Variants in VARS2 observed in about 807,000 individuals in gnomAD.
VARS2 encodes the protein valine--tRNA ligase, mitochondrial.
A neutral mutation model predicts 154.1 loss-of-function variants in VARS2; 105 were observed. The ratio of observed to expected loss-of-function variants is 0.68; its 90% CI spans 0.58 to 0.80. VARS2 has a LOEUF of 0.80. VARS2 is among the 30% of genes least tolerant of loss of function. The probability of loss-of-function intolerance (pLI) is 0.00; values close to 1 mark genes in which losing one functional copy is unlikely to be tolerated. For missense variants in VARS2, 1,157 were observed against 1,361.4 expected (o/e 0.85, Z 2.36); for synonymous variants, 483 against 539.5 (o/e 0.90, Z 1.45).
At chr6:30,924,893 C>G (rs903231624) in intron 26 of VARS2, among the ~76,000 whole-genome samples, 1 of 152,158 alleles carries the variant, frequency 6.6e-6, no homozygotes, top group African/African-American at 2.4e-5. Flanking sequence ...AGGGTGTCCC[C>G]AAAATCTCAG....
At position 30,914,858 on chromosome 6, in the gene VARS2, T is replaced by C. The variant is rs912935909; in HGVS notation, c.22T>C (p.Ser8Pro). Reference protein sequence around the residue: MPHLPLASFRPPFWGLRH... With the variant: MPHLPLAPFRPPFWGLRH... ...CCTGATGCCTCATTTGCCTCTCGCC[T>C]CTTTTCGACCACCATTTTGGGGGCT... The change falls in exon 2 of 30, where the codon TCT becomes CCT. Residue 8 changes from serine to proline, a missense_variant. Ser to Pro is a moderately conservative substitution (Grantham distance 74). Coordinates refer to ENST00000676266, the MANE Select transcript of VARS2 (RefSeq NM_020442.6). The C allele has an allele frequency of 4.3e-6, 7 of 1,612,920 alleles. No individual in the cohort carries two copies. The highest frequency in any genetic ancestry group is 5.1e-6 in the Non-Finnish European group (6 of 1,180,036).
chr6:30,914,439 G>T (rs1212345317), intron 1 of VARS2, 95 bp downstream of exon 1: 3 of 1,279,284 alleles, frequency 2.3e-6, no homozygotes, highest in South Asian at 2.9e-5. Context: ...GCCGCGCCGG[G>T]CTGTGGGCAC....
rs73430135 is a variant in VARS2, at chr6:30,916,185, G to A, written c.607G>A (p.Gly203Arg). Residue 203 changes from glycine (G) to arginine (R), a missense_variant, in exon 7 of 30, where the codon GGA becomes AGA. Gly to Arg is a moderately radical substitution (Grantham distance 125, BLOSUM62 -2). Transcript: ENST00000676266. The surrounding 1 kb of genome is among the most constrained non-coding windows in gnomAD (Gnocchi z 4.0). ...GGAGAAACAACTGTGGAAGGAACGG[G>A]GAGTGAGGAGACATGAGCTGAGCCG... is the stretch of plus-strand genomic sequence containing the variant. The part of the protein sequence containing the change: ...VVEKQLWKER[G>R]VRRHELSREA... The A allele has an allele frequency of 5.9e-4, 946 of 1,614,018 alleles. 4 individuals carry two copies. In the African/African-American group the frequency reaches 0.01, roughly 18 times the overall value.
Position 30,919,822 on chromosome 6 carries a change from A to ATG in VARS2, c.1140_1141dup (p.Ala381ValfsTer12), listed in dbSNP as rs1794394916. On this transcript the variant is annotated frameshift_variant, in exon 12 of 30. Transcript: ENST00000676266. LOFTEE classifies it high-confidence loss of function. This position sits in a 1 kb window ranked among gnomAD's most constrained non-coding sequence, Gnocchi z 4.5. ...CAGCCTCTTCCCCTCATCACAGACT[A>ATG]TGCTGTTCAGCCACATGTGGGCACG... 1.9e-6 allele frequency: 3 copies of ATG among 1,592,196 alleles called. No homozygotes were observed. Among genetic ancestry groups the ATG allele is most frequent in the Non-Finnish European group, 2.6e-6 (3 of 1,164,934 alleles).
In VARS2 at chr6:30,916,908, AGCTCTGGGT is replaced by A; in HGVS notation, c.705_713del (p.Leu236_Ala238del). On this transcript the variant is annotated inframe_deletion, in exon 8 of 30. Coordinates refer to ENST00000676266, the MANE Select transcript of VARS2 (RefSeq NM_020442.6). This position sits in a 1 kb window ranked among gnomAD's most constrained non-coding sequence, Gnocchi z 4.0. ...GTGGAGAGATCTGTGAGCAGCTGCG[AGCTCTGGGT>A]GCCTCCCTGGACTGGGATCGAGAGT... is the stretch of plus-strand genomic sequence containing the variant. 6.2e-7 allele frequency: 1 copy of A among 1,614,188 alleles called. No individual in the cohort carries two copies.
chr6:30,917,834 C>A lies in VARS2; in HGVS notation c.985+28C>A. ...GAGCATAGTACTCTGCAGGGTCACCCGTTTACCTCCATTTTTCCTGTTTTC... is the reference window on the plus strand; with the variant it reads ...GAGCATAGTACTCTGCAGGGTCACCAGTTTACCTCCATTTTTCCTGTTTTC... On this transcript the variant is annotated intron_variant, in intron 10 of 29. Coordinates refer to ENST00000676266, the MANE Select transcript of VARS2 (RefSeq NM_020442.6). The surrounding 1 kb of genome is among the most constrained non-coding windows in gnomAD (Gnocchi z 4.4). The A allele has an allele frequency of 6.5e-7, 1 of 1,544,848 alleles. No individual in the cohort carries two copies.
Position 30,923,221 on chromosome 6 carries a change from C to G in VARS2, c.2303C>G (p.Pro768Arg). The G allele has an allele frequency of 6.2e-7, 1 of 1,613,132 alleles. No homozygotes were observed. The highest frequency in any genetic ancestry group is 1.1e-5 in the South Asian group (1 of 91,084). Residue 768 changes from proline (P) to arginine (R), a missense_variant, in exon 24 of 30, where the codon CCT (proline) becomes CGT (arginine). Physicochemically the swap from Pro to Arg is moderately radical, Grantham distance 103 (BLOSUM62 -2). Coordinates refer to ENST00000676266, the MANE Select transcript of VARS2 (RefSeq NM_020442.6). Reference sequence around the variant, plus strand: ...TTAGGGGAGAAATTTGTGCCACAGCCTGCTGAGGAGGTAAGAGAAAACAGA... The same window carrying G: ...TTAGGGGAGAAATTTGTGCCACAGCGTGCTGAGGAGGTAAGAGAAAACAGA... ...NALGEKFVPQ[P>R]AEELSPSSPM...
In VARS2 at chr6:30,923,460, T is replaced by G; in HGVS notation, c.2421T>G (p.His807Gln). The stretch of plus-strand genomic sequence containing the variant: ...CCCGAGAGCTCTCGCTCGTCACTCA[T>G]GCCCTGCACCACTTCTGGCTTCACA... ...FLTRELSLVT[H>Q]ALHHFWLHNL... The change falls in exon 25 of 30, where the codon CAT becomes CAG. Residue 807 changes from histidine (H) to glutamine (Q), a missense_variant. By Grantham distance (24) the His-to-Gln change is conservative. Coordinates refer to ENST00000676266, the MANE Select transcript of VARS2 (RefSeq NM_020442.6). 1.2e-6 allele frequency: 2 copies of G among 1,612,266 alleles called. No individual in the cohort carries two copies. The highest frequency in any genetic ancestry group is 1.7e-6 in the Non-Finnish European group (2 of 1,179,994).
At chr6:30,923,579 G>C in intron 25 of VARS2, 74 bp downstream of exon 25, 1 of 1,553,024 alleles carries the variant, frequency 6.4e-7, no homozygotes, top group Non-Finnish European at 8.7e-7. Flanking sequence ...AAGGCAGAGA[G>C]CTCTGGAGTT....
chr6:30,923,365 T>A lies in VARS2; in HGVS notation c.2326T>A (p.Ser776Thr). The A allele has an allele frequency of 6.2e-7, 1 of 1,610,678 alleles. No individual in the cohort carries two copies. The highest frequency in any genetic ancestry group is 1.7e-5 in the Admixed American group (1 of 59,984). ...PQPAEELSPS[S>T]PMDAWILSRL... ...CCTCTGCCTGCAGCTGTCTCCCTCC[T>A]CCCCGATGGATGCCTGGATCCTGAG... Residue 776 changes from serine to threonine, a missense_variant, in exon 25 of 30, where the codon TCC becomes ACC. Transcript: ENST00000676266.
At position 30,921,610 on chromosome 6, in the gene VARS2, G is replaced by A; in HGVS notation, c.1654G>A (p.Val552Ile). ...HAQGEEDCWVVGRSEAEAREV... is the reference protein window; with the variant it reads ...HAQGEEDCWVIGRSEAEAREV... ...GCAGGGAGAAGAGGACTGTTGGGTG[G>A]TTGGGCGGTCAGAGGCTGAGGCCAG... Residue 552 changes from valine to isoleucine, a missense_variant, in exon 18 of 30, where the codon GTT becomes ATT. Val to Ile is a conservative substitution (Grantham distance 29). Coordinates refer to ENST00000676266, the MANE Select transcript of VARS2 (RefSeq NM_020442.6). This position sits in a 1 kb window ranked among gnomAD's most constrained non-coding sequence, Gnocchi z 4.6. 2 of 1,608,076 alleles carry A rather than the reference G, an allele frequency of 1.2e-6. No individual in the cohort carries two copies. The highest frequency in any genetic ancestry group is 1.7e-6 in the Non-Finnish European group (2 of 1,178,646).
chr6:30,924,980 T>G (rs1794747819), intron 26 of VARS2, among the ~76,000 whole-genome samples: 1 of 152,228 alleles, frequency 6.6e-6, no homozygotes, highest in Non-Finnish European at 1.5e-5. Context: ...CTATTTAAAT[T>G]TATACTTATT....
In VARS2 at chr6:30,914,788, G is replaced by GCT. The variant is rs745344704; in HGVS notation, c.-27-13_-27-12dup. The GCT allele has an allele frequency of 4.4e-6, 7 of 1,601,592 alleles. No individual in the cohort carries two copies. The South Asian group carries it at 7.7e-5, about 18-fold the overall frequency. On this transcript the variant is annotated intron_variant, in intron 1 of 29. Coordinates refer to ENST00000676266, the MANE Select transcript of VARS2 (RefSeq NM_020442.6). ...CTTCTCCACCCCCATATCCTAATGT[G>GCT]CTCTCTCTCTATCCAGAACAGATCT...
In VARS2 at chr6:30,920,504, A is replaced by G. The variant is rs1192611666; in HGVS notation, c.1397+68A>G. On this transcript the variant is annotated intron_variant, in intron 14 of 29. Coordinates refer to ENST00000676266, the MANE Select transcript of VARS2 (RefSeq NM_020442.6). This position sits in a 1 kb window ranked among gnomAD's most constrained non-coding sequence, Gnocchi z 4.6. ...GGAATGTATGGAGCTTAAGGGTGAC[A>G]ATAGGATGGGCTCTGCACCCCTCCG... 2 of 1,479,072 alleles carry G rather than the reference A, an allele frequency of 1.4e-6. No individual in the cohort carries two copies. Among genetic ancestry groups the G allele is most frequent in the Non-Finnish European group, 1.8e-6 (2 of 1,096,016 alleles). 91.6% of individuals were successfully genotyped at this position (1,479,072 alleles called of 1,614,324 possible). A position where few individuals can be genotyped will look rare whatever the true frequency, so the allele number is the denominator to read the frequency against.
Position 30,925,401 on chromosome 6 carries a change from T to A in VARS2, c.2785+16T>A. On this transcript the variant is annotated intron_variant, in intron 27 of 29. Coordinates refer to ENST00000676266, the MANE Select transcript of VARS2 (RefSeq NM_020442.6). ...CGGCCCCGAGGTGAGGCAAGGCGGGTCCTGGGCTCGGATCCCTGCAGGAAA... is the reference window on the plus strand; with the variant it reads ...CGGCCCCGAGGTGAGGCAAGGCGGGACCTGGGCTCGGATCCCTGCAGGAAA... 6.3e-7 allele frequency: 1 copy of A among 1,599,368 alleles called. No homozygotes were observed. The highest frequency in any genetic ancestry group is 1.3e-5 in the African/African-American group (1 of 74,734).
rs1193197773 is a variant in VARS2 at position 30,925,369 on chromosome 6, C to A, written c.2769C>A (p.Thr923=). The change falls in exon 27 of 30, where the codon ACC becomes ACA. Residue 923 remains threonine (T), a synonymous_variant. Transcript: ENST00000676266. ...LRALRATYQL[T]KARPRVLLQS... The stretch of plus-strand genomic sequence containing the variant: ...CTCTCCGAGCCACGTACCAGCTCAC[C>A]AAAGCCCGGCCCCGAGGTGAGGCAA... The A allele has an allele frequency of 6.2e-7, 1 of 1,610,874 alleles. No homozygotes were observed. The highest frequency in any genetic ancestry group is 1.3e-5 in the African/African-American group (1 of 75,046).
intron 2 of VARS2, 39 bp from the exon 3 acceptor site, chr6:30,915,117 G>T (rs1794069030): frequency 1.2e-6 from 2 of 1,610,818 alleles, no homozygotes. Context: ...GCAGTCTGGG[G>T]TATACTGGAT....
At chr6:30,915,893 A>G (rs764776936) in intron 5 of VARS2, 26 bp downstream of exon 5, 12 of 1,613,908 alleles carry the variant, frequency 7.4e-6, no homozygotes, top group Non-Finnish European at 1.0e-5. Context: ...GGGCTGCTTG[A>G]GTTCTTGGAA....
Position 30,921,236 on chromosome 6 carries a change from G to A in VARS2, c.1563G>A (p.Trp521Ter), listed in dbSNP as rs1267164875. Residue 521 changes from tryptophan (W) to a stop codon, truncating the protein, a stop_gained, in exon 17 of 30, where the codon TGG (tryptophan) becomes TGA (stop). Coordinates refer to ENST00000676266, the MANE Select transcript of VARS2 (RefSeq NM_020442.6). LOFTEE classifies it high-confidence loss of function. This position sits in a 1 kb window ranked among gnomAD's most constrained non-coding sequence, Gnocchi z 4.6. Reference protein sequence around the residue: ...WQHWFSHIGDWCVSRQLWWGH... With the variant: ...WQHWFSHIGD ...ACGAATGTCCTCCCGGCAGGGACTGGTGTGTCTCCCGGCAGCTGTGGTGGG... is the reference window on the plus strand; with the variant it reads ...ACGAATGTCCTCCCGGCAGGGACTGATGTGTCTCCCGGCAGCTGTGGTGGG... The A allele has an allele frequency of 5.0e-6, 8 of 1,613,978 alleles. No individual in the cohort carries two copies. The Admixed American group carries it at 1.2e-4, about 24-fold the overall frequency.
Sources: gnomAD v4.1 joint callset for allele counts (sites outside exome capture counted in the v4.1 genomes callset) on GRCh38, gnomAD v4.1.1 for gene constraint, Gnocchi (gnomAD v3.1) non-coding constraint, MANE v1.5 for transcripts, NCBI Gene and HGNC (gene_info 2026-07-23, HGNC 2026-07-21) for gene names.